Variants in CNTNAP2 observed in about 807,000 individuals in gnomAD.
CNTNAP2 encodes contactin-associated protein-like 2.
CNTNAP2 carries 98 observed loss-of-function variants against 155.2 expected under a neutral mutation model. The ratio of observed to expected loss-of-function variants is 0.63; its 90% CI spans 0.54 to 0.75. The LOEUF (loss-of-function observed/expected upper bound fraction) is 0.75. Among genes scored for constraint, CNTNAP2 ranks in the 30% least tolerant of loss-of-function variants. The pLI, the probability that CNTNAP2 is intolerant of heterozygous loss-of-function variation, is 0.00. For missense variants in CNTNAP2, 1,727 were observed against 1,688.1 expected (o/e 1.02, Z -0.40); for synonymous variants, 651 against 631.2 (o/e 1.03, Z -0.47).
intron 1 of CNTNAP2, among the ~76,000 whole-genome samples, chr7:146,352,546 C>T (rs1051324111): frequency 1.3e-5 from 2 of 152,056 alleles, no homozygotes; most frequent in East Asian, 1.9e-4. Context: ...CTGAATAATA[C>T]ATTTCTTTGT....
intron 1 of CNTNAP2, among the ~76,000 whole-genome samples, chr7:146,759,681 CAAAAAAAAAAAAAAAAAA>C (rs376817827): frequency 7.3e-5 from 4 of 54,600 alleles, no homozygotes; most frequent in Non-Finnish European, 1.4e-4. Flanking sequence ...GTGAGACTGT[CAAAAAAAAAAAAAAAAAA>C]AAAAAAAAAA....
chr7:147,325,231 T>A (rs1371537016), intron 9 of CNTNAP2, among the ~76,000 whole-genome samples: 1 of 151,814 alleles, frequency 6.6e-6, no homozygotes, highest in Non-Finnish European at 1.5e-5. Flanking sequence ...ACCCAGGAGG[T>A]GGAGGTTGCA....
At chr7:146,813,782 T>C (rs1315570019) in intron 2 of CNTNAP2, among the ~76,000 whole-genome samples, 1 of 152,110 alleles carries the variant, frequency 6.6e-6, no homozygotes, top group Non-Finnish European at 1.5e-5. Flanking sequence ...CATCTTGAAT[T>C]GTAATTCCCA....
At chr7:147,051,198 AT>A (rs1349989294) in intron 4 of CNTNAP2, among the ~76,000 whole-genome samples, 79 of 147,952 alleles carry the variant, frequency 5.3e-4, no homozygotes, top group African/African-American at 1.5e-3. Context: ...ATATATATAT[AT>A]ATATAAATCA....
intron 3 of CNTNAP2, among the ~76,000 whole-genome samples, chr7:147,005,921 A>G (rs2129242431): frequency 6.6e-6 from 1 of 152,088 alleles, no homozygotes; most frequent in Non-Finnish European, 1.5e-5. Flanking sequence ...TTCCTACAGT[A>G]TCATGTATCT....
chr7:146,920,894 G>A (rs1042788075), intron 3 of CNTNAP2, among the ~76,000 whole-genome samples: 3 of 152,126 alleles, frequency 2.0e-5, no homozygotes, highest in African/African-American at 7.2e-5. Context: ...AAAGAAAACA[G>A]ATAATAGATA....
At chr7:147,113,288 G>GC (rs1435582372) in intron 5 of CNTNAP2, among the ~76,000 whole-genome samples, 5 of 151,940 alleles carry the variant, frequency 3.3e-5, no homozygotes, top group East Asian at 1.9e-4. Flanking sequence ...CAGTGGTGAT[G>GC]CCCCCCTTAC....
intron 1 of CNTNAP2, among the ~76,000 whole-genome samples, chr7:146,637,495 C>T (rs56405830): frequency 0.17 from 26,106 of 152,108 alleles, 2,871 homozygotes; most frequent in East Asian, 0.49. Flanking sequence ...AAGCCACCAC[C>T]TAGTTCACTT....
rs148599367 is a variant in CNTNAP2, at chr7:147,505,986, A to G, written c.1777+19945A>G. 5.1e-4 allele frequency among the ~76,000 whole-genome samples: 77 copies of G among 152,304 alleles called. No homozygotes were observed. The East Asian group carries it at 0.012, about 23-fold the overall frequency. On this transcript the variant is annotated intron_variant, in intron 11 of 23. Coordinates refer to ENST00000361727, the MANE Select transcript of CNTNAP2 (RefSeq NM_014141.6). ...TCTCTTAAGAACCGGCTCAAGCATC[A>G]CTTATCATTACAGCAGACTGGGGTG...
chr7:147,105,395 CAT>C (rs1393747466), intron 4 of CNTNAP2, among the ~76,000 whole-genome samples: 1 of 151,924 alleles, frequency 6.6e-6, no homozygotes, highest in African/African-American at 2.4e-5. Flanking sequence ...TTCAACCATA[CAT>C]ATTTAATCAC....
chr7:146,294,045 C>G (rs1369464899), intron 1 of CNTNAP2, among the ~76,000 whole-genome samples: 1 of 152,000 alleles, frequency 6.6e-6, no homozygotes, highest in Non-Finnish European at 1.5e-5. Flanking sequence ...AAAAATCAAC[C>G]CCATAAGGAA....
chr7:146,663,100 A>G (rs549242488), intron 1 of CNTNAP2, among the ~76,000 whole-genome samples: 1 of 152,162 alleles, frequency 6.6e-6, no homozygotes, highest in South Asian at 2.1e-4. Flanking sequence ...CAATATGGTG[A>G]AATCCCATCT....
chr7:146,455,375 T>C (rs1213326631), intron 1 of CNTNAP2, among the ~76,000 whole-genome samples: 2 of 152,198 alleles, frequency 1.3e-5, no homozygotes, highest in Non-Finnish European at 2.9e-5. Context: ...CTTTCTACAC[T>C]ACATCCTTTT....
At chr7:146,733,788 G>T (rs1319356040) in intron 1 of CNTNAP2, among the ~76,000 whole-genome samples, 2 of 152,078 alleles carry the variant, frequency 1.3e-5, no homozygotes, top group Non-Finnish European at 2.9e-5. Flanking sequence ...AATACTGTTT[G>T]AGGGTAGAAA....
chr7:146,667,588 T>C (rs1440952425), intron 1 of CNTNAP2, among the ~76,000 whole-genome samples: 2 of 152,076 alleles, frequency 1.3e-5, no homozygotes, highest in African/African-American at 4.8e-5. Context: ...ACAATGTTAA[T>C]TCTTCTGATA....
At chr7:146,831,842 T>G (rs1345758066) in intron 2 of CNTNAP2, among the ~76,000 whole-genome samples, 3 of 152,132 alleles carry the variant, frequency 2.0e-5, no homozygotes, top group Non-Finnish European at 4.4e-5. Flanking sequence ...CAGTACTATT[T>G]TCCTGTCATT....
At position 148,217,469 on chromosome 7, in the gene CNTNAP2, C is replaced by T; in HGVS notation, c.3192C>T (p.Leu1064=). 6.2e-7 allele frequency: 1 copy of T among 1,614,178 alleles called. No individual in the cohort carries two copies. The change falls in exon 19 of 24, where the codon CTC becomes CTT. Residue 1064 remains leucine, a synonymous_variant. Transcript: ENST00000361727. ...SFSTTKAPCI[L]LYISSFTTDF... ...GCACCACCAAGGCGCCCTGCATTCT[C>T]CTCTACATCAGCTCCTTCACCACAG... is the stretch of plus-strand genomic sequence containing the variant.
chr7:147,459,785 C>A (rs546120274), intron 10 of CNTNAP2, among the ~76,000 whole-genome samples: 2 of 152,286 alleles, frequency 1.3e-5, no homozygotes, highest in African/African-American at 4.8e-5. Context: ...TGGTAAGCCA[C>A]TAAGTTTGTG....
chr7:146,634,216 C>T (rs1799561224), intron 1 of CNTNAP2, among the ~76,000 whole-genome samples: 1 of 152,166 alleles, frequency 6.6e-6, no homozygotes, highest in South Asian at 2.1e-4. Flanking sequence ...TCTTTTGTAA[C>T]AAAGTACTTG....
Sources: gnomAD v4.1 joint callset for allele counts (sites outside exome capture counted in the v4.1 genomes callset) on GRCh38, gnomAD v4.1.1 for gene constraint, MANE v1.5 for transcripts, NCBI Gene and HGNC (gene_info 2026-07-23, HGNC 2026-07-21) for gene names.